The following NME5 variants were observed in gnomAD, a reference collection of about 807,000 sequenced individuals.
NME5 encodes nucleoside diphosphate kinase 5.
A neutral mutation model predicts 21.6 loss-of-function variants in NME5; 18 were observed. The ratio of observed to expected loss-of-function variants is 0.83; its 90% CI spans 0.58 to 1.24. NME5 has a LOEUF of 1.24. NME5 is among the 50% of genes most tolerant of loss of function. NME5 has a pLI of 0.00. For synonymous variants in NME5, 70 were observed against 80.6 expected (o/e 0.87, Z 0.71); for missense variants, 223 against 255.4 (o/e 0.87, Z 0.86).
At chr5:138,138,387 C>T (rs767642108) in intron 2 of NME5, 22 of 331,212 alleles carry the variant, frequency 6.6e-5, no homozygotes, top group Non-Finnish European at 1.2e-4. Context: ...ATAGAAAACT[C>T]CTGGAAGAAC....
At chr5:138,126,946 C>CAT (rs1355043504) in intron 4 of NME5, among the ~76,000 whole-genome samples, 1 of 151,808 alleles carries the variant, frequency 6.6e-6, no homozygotes, top group African/African-American at 2.4e-5. Flanking sequence ...GACTCCATCT[C>CAT]AAATAGATAA....
intron 2 of NME5, among the ~76,000 whole-genome samples, chr5:138,131,204 T>TA (rs762579967): frequency 0.032 from 2,626 of 80,824 alleles, 67 homozygotes; most frequent in Middle Eastern, 0.068. Flanking sequence ...CCGTCTCTGC[T>TA]AAAAAAAAAA....
intron 4 of NME5, among the ~76,000 whole-genome samples, chr5:138,119,442 C>A (rs1311013727): frequency 6.6e-6 from 1 of 152,084 alleles, no homozygotes; most frequent in Non-Finnish European, 1.5e-5. Context: ...AGGTAATCCT[C>A]CTGTCTCGGC....
At position 138,118,865 on chromosome 5, in the gene NME5, G is replaced by A. The variant is rs373660672; in HGVS notation, c.508C>T (p.Leu170Phe). 1 of 1,613,616 alleles carries A rather than the reference G, an allele frequency of 6.2e-7. No homozygotes were observed. Residue 170 changes from leucine to phenylalanine, a missense_variant, in exon 5 of 6, where the codon CTT becomes TTT. Physicochemically the swap from Leu to Phe is conservative, Grantham distance 22. Transcript: ENST00000265191. ...TTACAAAGCTCTGTGAGTCCTTCAA[G>A]CAGAGTTGGCATTATATGTAAATTT... ...YLNLHIMPTL[L>F]EGLTELCKQK... is the part of the protein sequence containing the mutation.
chr5:138,121,412 T>C (rs577888745), intron 4 of NME5, among the ~76,000 whole-genome samples: 112 of 151,984 alleles, frequency 7.4e-4, no homozygotes, highest in Non-Finnish European at 1.3e-3. Context: ...AGAGACACCC[T>C]GTCTCAAAAA....
At chr5:138,133,319 G>A (rs933554460) in intron 2 of NME5, among the ~76,000 whole-genome samples, 12 of 151,902 alleles carry the variant, frequency 7.9e-5, no homozygotes, top group African/African-American at 2.9e-4. Flanking sequence ...TGTTAGCCAG[G>A]ATGGTCTTGA....
intron 4 of NME5, among the ~76,000 whole-genome samples, chr5:138,124,402 G>GT (rs1036574408): frequency 1.3e-5 from 2 of 152,064 alleles, no homozygotes; most frequent in African/African-American, 2.4e-5. Context: ...TTATTTAGGG[G>GT]TTTTTTGGAT....
At chr5:138,120,481 G>A (rs1263209977) in intron 4 of NME5, among the ~76,000 whole-genome samples, 6 of 151,830 alleles carry the variant, frequency 4.0e-5, no homozygotes, top group African/African-American at 9.7e-5. Flanking sequence ...CTTGTGAGCC[G>A]CCTGCCTCGG....
chr5:138,137,395 G>A (rs1027745136), intron 2 of NME5, among the ~76,000 whole-genome samples: 4 of 151,834 alleles, frequency 2.6e-5, no homozygotes, highest in African/African-American at 9.7e-5. Flanking sequence ...TTGGCTTACT[G>A]CAACCTCTGC....
chr5:138,122,680 ATTTT>A (rs70979582), intron 4 of NME5, among the ~76,000 whole-genome samples: 1 of 131,484 alleles, frequency 7.6e-6, no homozygotes. Flanking sequence ...AATTTTTTTA[ATTTT>A]TTTTTTTTTT....
chr5:138,129,411 C>T lies in NME5; in HGVS notation c.187G>A (p.Gly63Arg), dbSNP rs1400484921. ...GTTAAGTTGGGGAAAAACATTTTTC[C>T]ATACTTTTCCACATAAAAGTTACTA... Reference protein sequence around the residue: ...QCSNFYVEKYGKMFFPNLTAY... With the variant: ...QCSNFYVEKYRKMFFPNLTAY... Residue 63 changes from glycine to arginine, a missense_variant, in exon 3 of 6, where the codon GGA becomes AGA. Coordinates refer to ENST00000265191, the MANE Select transcript of NME5 (RefSeq NM_003551.3). 6.2e-7 allele frequency: 1 copy of T among 1,614,100 alleles called. No homozygotes were observed. The highest frequency in any genetic ancestry group is 1.7e-5 in the Admixed American group (1 of 60,004).
chr5:138,128,480 T>C lies in NME5; in HGVS notation c.435A>G (p.Glu145=), dbSNP rs199789334. 2.5e-5 allele frequency: 41 copies of C among 1,611,056 alleles called. No individual in the cohort carries two copies. Among genetic ancestry groups the C allele is most frequent in the Non-Finnish European group, 3.4e-5 (40 of 1,178,256 alleles). The change falls in exon 4 of 6, where the codon GAA becomes GAG. Residue 145 remains glutamate (E), a splice_region_variant and synonymous_variant. Transcript: ENST00000265191. The stretch of plus-strand genomic sequence containing the variant: ...ACAAGTTAGTCATCTGTAACTCACC[T>C]TCAGGAAACATAAAACGTATTTCTC... ...AEREIRFMFP[E]VIVEPIPIGQ...
At chr5:138,117,089 G>A (rs1751173579) in intron 5 of NME5, among the ~76,000 whole-genome samples, 1 of 151,216 alleles carries the variant, frequency 6.6e-6, no homozygotes, top group African/African-American at 2.4e-5. Flanking sequence ...TGCTCCTGTG[G>A]TCCCAGCTAC....
At chr5:138,119,079 G>C in intron 4 of NME5, 143 bp from the exon 5 acceptor site, 2 of 544,722 alleles carry the variant, frequency 3.7e-6, no homozygotes, top group South Asian at 5.0e-5. Flanking sequence ...GCCTGGGCTG[G>C]AGTGCAATGA....
At chr5:138,129,134 C>T in intron 3 of NME5, 129 bp downstream of exon 3, 1 of 711,936 alleles carries the variant, frequency 1.4e-6, no homozygotes, top group Non-Finnish European at 2.3e-6. Flanking sequence ...CCCTCTGCCC[C>T]CCAAAAAAGT....
chr5:138,136,203 G>A (rs764918968), intron 2 of NME5, among the ~76,000 whole-genome samples: 25 of 152,324 alleles, frequency 1.6e-4, no homozygotes, highest in Non-Finnish European at 2.6e-4. Flanking sequence ...AGGGCTCTGC[G>A]CATGACAGGT....
At position 138,130,933 on chromosome 5, in the gene NME5, G is replaced by T. The variant is rs144269899; in HGVS notation, c.130-1465C>A. The stretch of plus-strand genomic sequence containing the variant: ...AGAGCGAGACTCCGTCTAAAAAAAA[G>T]AAAAAAGAAAAATTAGGTCGGGTGT... On this transcript the variant is annotated intron_variant, in intron 2 of 5. Coordinates refer to ENST00000265191, the MANE Select transcript of NME5 (RefSeq NM_003551.3). 3.4e-4 allele frequency among the ~76,000 whole-genome samples: 50 copies of T among 146,318 alleles called. 1 individual carries two copies. The East Asian group carries it at 6.7e-3, about 20-fold the overall frequency.
At chr5:138,116,807 G>A (rs1751167191) in intron 5 of NME5, 1 of 153,718 alleles carries the variant, frequency 6.5e-6, no homozygotes, top group Non-Finnish European at 1.5e-5. Flanking sequence ...ATGGTACTAG[G>A]ACAATTGGAT....
chr5:138,138,539 CTTAAA>C, intron 2 of NME5, 108 bp downstream of exon 2: 1 of 873,756 alleles, frequency 1.1e-6, no homozygotes, highest in Non-Finnish European at 1.7e-6. Context: ...GAAGAATAAA[CTTAAA>C]TTTAATGCTG....
Sources: gnomAD v4.1 joint callset for allele counts (sites outside exome capture counted in the v4.1 genomes callset) on GRCh38, gnomAD v4.1.1 for gene constraint, MANE v1.5 for transcripts, NCBI Gene and HGNC (gene_info 2026-07-23, HGNC 2026-07-21) for gene names.